Variants in MECOM observed in about 807,000 individuals in gnomAD.
MECOM encodes histone-lysine N-methyltransferase MECOM.
Under a neutral mutation model 116.3 loss-of-function variants are expected in MECOM, and 13 were observed. The observed-to-expected ratio is 0.11, with a 90% confidence interval of 0.07 to 0.18. MECOM has a LOEUF of 0.18. Among genes scored for constraint, MECOM ranks in the 10% least tolerant of loss-of-function variants. The pLI, the probability that MECOM is intolerant of heterozygous loss-of-function variation, is 1.00. For missense variants in MECOM, 1,299 were observed against 1,509.0 expected (o/e 0.86, Z 2.31); for synonymous variants, 528 against 535.2 (o/e 0.99, Z 0.19).
intron 2 of MECOM, among the ~76,000 whole-genome samples, chr3:169,197,840 T>TC (rs1245274993): frequency 6.6e-6 from 1 of 152,032 alleles, no homozygotes; most frequent in Non-Finnish European, 1.5e-5. Context: ...CTTTGCCTTC[T>TC]CCCCTCAGAA....
intron 1 of MECOM, among the ~76,000 whole-genome samples, chr3:169,639,482 G>A (rs1773203708): frequency 6.6e-6 from 1 of 152,190 alleles, no homozygotes; most frequent in Non-Finnish European, 1.5e-5. Context: ...CAAGAAAGAA[G>A]GGCCAAGAGA....
intron 1 of MECOM, chr3:169,483,979 A>C: frequency 6.2e-7 from 1 of 1,602,282 alleles, no homozygotes; most frequent in South Asian, 1.1e-5. Context: ...GGTGGGTGCA[A>C]TCAAGAGTGA....
intron 1 of MECOM, among the ~76,000 whole-genome samples, chr3:169,413,210 C>T (rs548631277): frequency 5.3e-5 from 8 of 152,256 alleles, no homozygotes; most frequent in South Asian, 2.1e-4. Flanking sequence ...GAGGGCGAGC[C>T]GAAGCAGGGT....
Position 169,594,174 on chromosome 3 carries a change from A to AAAAAAAAAAAAAAAAAAAAAAAAAAAAAC in MECOM, c.37+69161_37+69162insGTTTTTTTTTTTTTTTTTTTTTTTTTTTT, listed in dbSNP as rs1255613781. 7.9e-5 allele frequency among the ~76,000 whole-genome samples: 10 copies of AAAAAAAAAAAAAAAAAAAAAAAAAAAAAC among 125,968 alleles called. 1 individual carries two copies. The highest frequency in any genetic ancestry group is 2.5e-4 in the South Asian group (1 of 4,074). The allele number at this position is 125,968 out of a possible 152,430, so 82.6% of individuals were successfully genotyped here. ...CACCACAAAAAAAAAAAAAAAAAAAAAACACCTTTTCACCTAAGTACCTCA... is the reference window on the plus strand; with the variant it reads ...CACCACAAAAAAAAAAAAAAAAAAAAAAAAAAAAAAAAAAAAAAAAAAAAAAAACAACACCTTTTCACCTAAGTACCTCA... On this transcript the variant is annotated intron_variant, in intron 1 of 16. Coordinates refer to ENST00000651503, the MANE Select transcript of MECOM (RefSeq NM_004991.4).
rs114127006 is a variant in MECOM at position 169,177,973 on chromosome 3, C to T, written c.376-34141G>A. Reference sequence around the variant, plus strand: ...AGAGAAAAAGAATGTGGTAGATATACGCAAGATAAAAAGAAGAAAGAACAG... The same window carrying T: ...AGAGAAAAAGAATGTGGTAGATATATGCAAGATAAAAAGAAGAAAGAACAG... On this transcript the variant is annotated intron_variant, in intron 2 of 16. Transcript: ENST00000651503. 3.1e-3 allele frequency among the ~76,000 whole-genome samples: 464 copies of T among 151,754 alleles called. 1 individual carries two copies. Among genetic ancestry groups the T allele is most frequent in the South Asian group, 0.013 (61 of 4,776 alleles).
At chr3:169,235,896 T>C (rs1158134482) in intron 2 of MECOM, among the ~76,000 whole-genome samples, 1 of 150,472 alleles carries the variant, frequency 6.6e-6, no homozygotes, top group Non-Finnish European at 1.5e-5. Flanking sequence ...GGACAGACGC[T>C]CCTTGACTTA....
chr3:169,271,885 C>T (rs572131406), intron 2 of MECOM, among the ~76,000 whole-genome samples: 73 of 152,116 alleles, frequency 4.8e-4, no homozygotes, highest in Non-Finnish European at 7.5e-4. Flanking sequence ...GACCAGCCAT[C>T]GTGCAACTGC....
rs375913093 is a variant in MECOM, at chr3:169,115,502, C to T, written c.2370G>A (p.Glu790=). 20 of 1,613,970 alleles carry T rather than the reference C, an allele frequency of 1.2e-5. No homozygotes were observed. Among genetic ancestry groups the T allele is most frequent in the Admixed American group, 1.7e-5 (1 of 59,998 alleles). Residue 790 remains glutamate, a synonymous_variant, in exon 8 of 17, where the codon GAG becomes GAA. Coordinates refer to ENST00000651503, the MANE Select transcript of MECOM (RefSeq NM_004991.4). ...CCCCAAACACGTGGTTTTTTCGAGG[C>T]TCAGTCAGCTTTGTCCCACTGGCTC... The part of the protein sequence containing the change: ...RSRASGTKLT[E]PRKNHVFGGK...
At chr3:169,125,172 T>A (rs765969727) in intron 5 of MECOM, among the ~76,000 whole-genome samples, 7 of 152,012 alleles carry the variant, frequency 4.6e-5, no homozygotes, top group Non-Finnish European at 8.8e-5. Flanking sequence ...AGAGTACAGG[T>A]GTGTGGAGTC....
intron 1 of MECOM, among the ~76,000 whole-genome samples, chr3:169,523,892 T>TACAC (rs5854336): frequency 0.47 from 70,165 of 148,640 alleles, 17,560 homozygotes; most frequent in African/African-American, 0.63. Flanking sequence ...TATATACACA[T>TACAC]ATACATACCT....
intron 1 of MECOM, among the ~76,000 whole-genome samples, chr3:169,531,469 C>G (rs1303024900): frequency 6.6e-6 from 1 of 152,144 alleles, no homozygotes; most frequent in African/African-American, 2.4e-5. Context: ...TCATATGACC[C>G]TCTCCATAAC....
chr3:169,545,754 A>G (rs770831469), intron 1 of MECOM, among the ~76,000 whole-genome samples: 4 of 152,150 alleles, frequency 2.6e-5, no homozygotes, highest in Non-Finnish European at 5.9e-5. Flanking sequence ...TGTGCCAGAG[A>G]CACAGCCTGA....
intron 1 of MECOM, among the ~76,000 whole-genome samples, chr3:169,595,669 GATCAA>G (rs1767048546): frequency 6.6e-6 from 1 of 152,014 alleles, no homozygotes; most frequent in Non-Finnish European, 1.5e-5. Flanking sequence ...TCTTATTTTT[GATCAA>G]ATTCAACCTT....
chr3:169,469,158 G>C (rs924054706), intron 1 of MECOM, among the ~76,000 whole-genome samples: 4 of 152,206 alleles, frequency 2.6e-5, no homozygotes, highest in Non-Finnish European at 5.9e-5. Flanking sequence ...TGGAGCCTCA[G>C]TCATGACTTT....
At chr3:169,139,001 T>C in intron 3 of MECOM, among the ~76,000 whole-genome samples, 1 of 152,086 alleles carries the variant, frequency 6.6e-6, no homozygotes, top group East Asian at 1.9e-4. Flanking sequence ...AGGATCGTCC[T>C]GGAAGCAGTT....
chr3:169,197,349 A>AAATAAAT (rs1285391791), intron 2 of MECOM, among the ~76,000 whole-genome samples: 1 of 150,614 alleles, frequency 6.6e-6, no homozygotes, highest in African/African-American at 2.5e-5. Context: ...TAAATAAAAT[A>AAATAAAT]AAATAAAATA....
intron 1 of MECOM, among the ~76,000 whole-genome samples, chr3:169,405,722 C>G (rs1469180693): frequency 6.6e-6 from 1 of 152,212 alleles, no homozygotes; most frequent in Non-Finnish European, 1.5e-5. Context: ...AGGTACTTAA[C>G]TGTTCCCCTT....
intron 1 of MECOM, among the ~76,000 whole-genome samples, chr3:169,589,382 T>C (rs760885331): frequency 6.6e-6 from 1 of 151,954 alleles, no homozygotes; most frequent in Non-Finnish European, 1.5e-5. Context: ...AGATTGACAA[T>C]AGGCCAAATT....
chr3:169,165,370 C>T lies in MECOM; in HGVS notation c.376-21538G>A, dbSNP rs772145729. ...ATATAACCAAACATTGCAATTGTAC[C>T]GGATGGTCAAGCCATCTATAGCATA... On this transcript the variant is annotated intron_variant, in intron 2 of 16. Transcript: ENST00000651503. Among the ~76,000 whole-genome samples, 85 of 152,146 alleles carry T rather than the reference C, an allele frequency of 5.6e-4. 1 individual carries two copies. Among genetic ancestry groups the T allele is most frequent in the East Asian group, 1.2e-3 (6 of 5,182 alleles).
Sources: gnomAD v4.1 joint callset for allele counts (sites outside exome capture counted in the v4.1 genomes callset) on GRCh38, gnomAD v4.1.1 for gene constraint, MANE v1.5 for transcripts, NCBI Gene and HGNC (gene_info 2026-07-23, HGNC 2026-07-21) for gene names.